Variants in NCALD observed in about 807,000 individuals in gnomAD.
NCALD encodes the protein neurocalcin delta.
Under a neutral mutation model 18.6 loss-of-function variants are expected in NCALD, and 10 were observed. The ratio of observed to expected loss-of-function variants is 0.54; its 90% confidence interval spans 0.33 to 0.91. The LOEUF (loss-of-function observed/expected upper bound fraction) is 0.91, where lower values mean the gene tolerates loss of function less well. Ranked by LOEUF, NCALD falls within the 40% of genes least tolerant of loss-of-function variation. The pLI is 0.03. For synonymous variants in NCALD, 88 were observed against 87.4 expected (o/e 1.01, Z -0.04); for missense variants, 184 against 247.6 (o/e 0.74, Z 1.72).
Position 101,689,531 on chromosome 8 carries a change from C to T in NCALD, c.485-125G>A, listed in dbSNP as rs1393430458. ...GCAGCCTCACTGCCACTGTGACACACAGCACTCACCTGTCCCGGGGAAGAG... is the reference window on the plus strand; with the variant it reads ...GCAGCCTCACTGCCACTGTGACACATAGCACTCACCTGTCCCGGGGAAGAG... On this transcript the variant is annotated intron_variant, in intron 3 of 3. Coordinates refer to ENST00000220931, the MANE Select transcript of NCALD (RefSeq NM_032041.3). This position sits in a 1 kb window ranked among gnomAD's most constrained non-coding sequence, Gnocchi z 4.4. 1.4e-6 allele frequency: 1 copy of T among 694,390 alleles called. No individual in the cohort carries two copies. The highest frequency in any genetic ancestry group is 2.5e-6 in the Non-Finnish European group (1 of 400,818). The allele number at this position is 694,390 out of a possible 1,614,324, so 43.0% of individuals were successfully genotyped here.
At chr8:101,938,656 A>T (rs199801553) in intron 2 of NCALD, among the ~76,000 whole-genome samples, 20 of 47,772 alleles carry the variant, frequency 4.2e-4, no homozygotes, top group Admixed American at 4.1e-3. Context: ...AAATAATGGT[A>T]AAAAAAAAAA....
intron 4 of NCALD, among the ~76,000 whole-genome samples, chr8:101,860,176 C>G (rs190375744): frequency 5.3e-5 from 8 of 152,222 alleles, no homozygotes; most frequent in Admixed American, 3.3e-4. Context: ...TGACAAATAT[C>G]TTTTCATACA....
At chr8:102,106,456 T>G (rs1282714791) in intron 1 of NCALD, among the ~76,000 whole-genome samples, 2 of 139,166 alleles carry the variant, frequency 1.4e-5, no homozygotes, top group Non-Finnish European at 3.1e-5. Context: ...TATATATATA[T>G]ATATATATAT....
At position 102,100,877 on chromosome 8, in the gene NCALD, C is replaced by T. The variant is rs538693534; in HGVS notation, c.-210+23360G>A. 2.2e-4 allele frequency among the ~76,000 whole-genome samples: 34 copies of T among 152,040 alleles called. 1 individual carries two copies. Among genetic ancestry groups the T allele is most frequent in the East Asian group, 1.7e-3 (9 of 5,178 alleles). The stretch of plus-strand genomic sequence containing the variant: ...CAAATTCATAGAGCAGAACGGTGGT[C>T]GTCAGGGGCTGTGGGGAGGAGGAAG... On this transcript the variant is annotated intron_variant, in intron 1 of 6. Transcript: ENST00000311028.
chr8:102,035,593 C>T (rs1822834906), intron 1 of NCALD, among the ~76,000 whole-genome samples: 1 of 151,994 alleles, frequency 6.6e-6, no homozygotes, highest in Non-Finnish European at 1.5e-5. Flanking sequence ...AGCGTTTGTT[C>T]CTGAAGCCCT....
At chr8:101,805,611 A>G (rs747905936) in intron 4 of NCALD, among the ~76,000 whole-genome samples, 1 of 152,160 alleles carries the variant, frequency 6.6e-6, no homozygotes, top group Non-Finnish European at 1.5e-5. Context: ...TCCCAGATGG[A>G]GAGGCCGTCC....
chr8:102,019,101 TA>T (rs1822186201), intron 2 of NCALD, among the ~76,000 whole-genome samples: 1 of 152,116 alleles, frequency 6.6e-6, no homozygotes, highest in Non-Finnish European at 1.5e-5. Context: ...TTCACATTTT[TA>T]AGACCTGAAG....
At chr8:102,075,301 A>G (rs1824307533) in intron 1 of NCALD, among the ~76,000 whole-genome samples, 1 of 152,212 alleles carries the variant, frequency 6.6e-6, no homozygotes, top group African/African-American at 2.4e-5. Flanking sequence ...TGGAAACATA[A>G]CTATAAAACT....
At chr8:101,969,036 T>C (rs1820138470) in intron 2 of NCALD, among the ~76,000 whole-genome samples, 1 of 152,188 alleles carries the variant, frequency 6.6e-6, no homozygotes, top group African/African-American at 2.4e-5. Flanking sequence ...CTTTCATTGG[T>C]TCAGCCTTAA....
At chr8:102,082,134 G>A (rs1175200191) in intron 1 of NCALD, among the ~76,000 whole-genome samples, 1 of 151,536 alleles carries the variant, frequency 6.6e-6, no homozygotes, top group East Asian at 1.9e-4. Context: ...GCAATAAAAA[G>A]GTGTCAGTAT....
chr8:101,699,462 G>A (rs183704067), intron 2 of NCALD, among the ~76,000 whole-genome samples: 2 of 152,268 alleles, frequency 1.3e-5, no homozygotes, highest in South Asian at 2.1e-4. Context: ...ACATGCACAT[G>A]TATGTTTATT....
chr8:102,085,137 G>A (rs1824694148), intron 1 of NCALD, among the ~76,000 whole-genome samples: 1 of 151,988 alleles, frequency 6.6e-6, no homozygotes, highest in South Asian at 2.1e-4. Flanking sequence ...CTTAACTTGG[G>A]GTGTCTCAAC....
intron 1 of NCALD, among the ~76,000 whole-genome samples, chr8:101,776,476 G>A (rs1811796667): frequency 6.6e-6 from 1 of 151,986 alleles, no homozygotes; most frequent in Non-Finnish European, 1.5e-5. Flanking sequence ...TTAATATTAA[G>A]TTTGCAGAAA....
chr8:102,017,585 C>G (rs1378243895), intron 2 of NCALD, among the ~76,000 whole-genome samples: 1 of 152,248 alleles, frequency 6.6e-6, no homozygotes, highest in East Asian at 1.9e-4. Context: ...GTCCCAGCTA[C>G]TCGGGAGGCT....
At chr8:101,919,285 C>T (rs561809250) in intron 2 of NCALD, among the ~76,000 whole-genome samples, 152 of 152,224 alleles carry the variant, frequency 1.0e-3, no homozygotes, top group African/African-American at 3.5e-3. Context: ...GGGGAAAGGA[C>T]TTCCTATTCA....
intron 1 of NCALD, among the ~76,000 whole-genome samples, chr8:102,102,591 C>T (rs1163414505): frequency 2.0e-5 from 3 of 152,154 alleles, no homozygotes; most frequent in South Asian, 4.1e-4. Context: ...GGGAGCAGAA[C>T]CCGGAGCCCA....
intron 2 of NCALD, among the ~76,000 whole-genome samples, chr8:101,708,759 T>C (rs976458996): frequency 7.2e-5 from 11 of 152,036 alleles, no homozygotes; most frequent in Non-Finnish European, 1.3e-4. Flanking sequence ...CACCCTGGGG[T>C]CTCTACCCTT....
chr8:101,712,602 A>AAAAAAAAAAAG (rs1563683244), intron 2 of NCALD, among the ~76,000 whole-genome samples: 1 of 129,716 alleles, frequency 7.7e-6, no homozygotes, highest in African/African-American at 2.9e-5. Context: ...AAAAAAAAAA[A>AAAAAAAAAAAG]AAAAAAAAAT....
chr8:101,838,709 T>G (rs1814514274), intron 4 of NCALD, among the ~76,000 whole-genome samples: 1 of 152,244 alleles, frequency 6.6e-6, no homozygotes, highest in Admixed American at 6.5e-5. Context: ...CACTGGAAGG[T>G]CACTGGGTGG....
Sources: gnomAD v4.1 joint callset for allele counts (sites outside exome capture counted in the v4.1 genomes callset) on GRCh38, gnomAD v4.1.1 for gene constraint, Gnocchi (gnomAD v3.1) non-coding constraint, MANE v1.5 for transcripts, NCBI Gene and HGNC (gene_info 2026-07-23, HGNC 2026-07-21) for gene names.